The following RGS7 variants were observed in gnomAD, a reference collection of about 807,000 sequenced individuals.
RGS7 encodes the protein regulator of G protein signaling 7.
RGS7 carries 27 observed loss-of-function variants against 81.1 expected under a neutral mutation model. The observed-to-expected ratio is 0.33, with a 90% CI of 0.25 to 0.46. The LOEUF (loss-of-function observed/expected upper bound fraction) is 0.46, where lower values mean the gene tolerates loss of function less well. Ranked by LOEUF, RGS7 falls within the 20% of genes least tolerant of loss-of-function variation. The pLI is 1.00. For missense variants in RGS7, 396 were observed against 607.4 expected, an observed-to-expected ratio of 0.65 and a Z score of 3.66; for synonymous variants, 208 against 207.7, an observed-to-expected ratio of 1.00 and a Z score of -0.01.
intron 2 of RGS7, among the ~76,000 whole-genome samples, chr1:241,274,916 C>T (rs1162664276): frequency 6.6e-6 from 1 of 152,216 alleles, no homozygotes; most frequent in Non-Finnish European, 1.5e-5. Context: ...GACCAGAGTA[C>T]TGACGAGATA....
chr1:241,140,167 A>T (rs1002673490), intron 2 of RGS7, among the ~76,000 whole-genome samples: 6 of 152,192 alleles, frequency 3.9e-5, no homozygotes, highest in African/African-American at 1.4e-4. Flanking sequence ...AACATTGAAG[A>T]GCATTTTTCC....
At chr1:240,842,199 A>ATTTTTTTTGTTTTTTTTTT (rs1658156300) in intron 9 of RGS7, among the ~76,000 whole-genome samples, 1 of 78,676 alleles carries the variant, frequency 1.3e-5, no homozygotes, top group South Asian at 4.7e-4. Context: ...TTTGTCAGGA[A>ATTTTTTTTGTTTTTTTTTT]TTTTTTTTTT....
intron 6 of RGS7, among the ~76,000 whole-genome samples, chr1:240,871,255 G>A (rs1396832493): frequency 6.6e-6 from 1 of 152,194 alleles, no homozygotes; most frequent in Admixed American, 6.6e-5. Flanking sequence ...GATGAGGACT[G>A]TCAAATATTA....
chr1:241,306,142 A>ACT (rs2080104509), intron 2 of RGS7, among the ~76,000 whole-genome samples: 1 of 151,366 alleles, frequency 6.6e-6, no homozygotes, highest in South Asian at 2.1e-4. Context: ...ACACACACAC[A>ACT]CACACACTCA....
At chr1:241,246,620 C>T (rs1230436734) in intron 2 of RGS7, among the ~76,000 whole-genome samples, 1 of 152,050 alleles carries the variant, frequency 6.6e-6, no homozygotes, top group Non-Finnish European at 1.5e-5. Context: ...GTACTATCTA[C>T]CTGTGAGTAG....
Position 240,794,957 on chromosome 1 carries a change from C to A in RGS7, c.*6+5684G>T, listed in dbSNP as rs961193047. ...CAGCACTTTGGGAGGCCGAGGCAGG[C>A]GGATCACCTGAGGTCGGGAGTTCGA... On this transcript the variant is annotated intron_variant, in intron 18 of 18. Coordinates refer to ENST00000440928, the MANE Select transcript of RGS7 (RefSeq NM_001364886.1). Among the ~76,000 whole-genome samples the A allele has an allele frequency of 3.3e-5, 5 of 152,074 alleles. No individual in the cohort carries two copies. In the South Asian group the frequency reaches 6.2e-4, roughly 19 times the overall value.
intron 2 of RGS7, among the ~76,000 whole-genome samples, chr1:241,244,459 G>A (rs900508915): frequency 5.9e-5 from 9 of 152,148 alleles, no homozygotes; most frequent in Non-Finnish European, 2.9e-5. Flanking sequence ...GGAAACAACA[G>A]GTGCTGGAGA....
chr1:241,339,618 T>C (rs1246646506), intron 2 of RGS7, among the ~76,000 whole-genome samples: 1 of 152,206 alleles, frequency 6.6e-6, no homozygotes, highest in Non-Finnish European at 1.5e-5. Context: ...GGTGACCCTG[T>C]AATCATCAGG....
chr1:241,352,230 G>A (rs760059174), intron 2 of RGS7, among the ~76,000 whole-genome samples: 4 of 152,198 alleles, frequency 2.6e-5, no homozygotes, highest in Non-Finnish European at 5.9e-5. Context: ...TCTTCAAGAA[G>A]CTGATCTGAA....
intron 3 of RGS7, among the ~76,000 whole-genome samples, chr1:241,085,531 T>C (rs534257382): frequency 1.3e-5 from 2 of 152,168 alleles, no homozygotes; most frequent in South Asian, 2.1e-4. Flanking sequence ...GTCAAGCAAT[T>C]CTCCTGACTC....
intron 2 of RGS7, among the ~76,000 whole-genome samples, chr1:241,220,868 T>G: frequency 6.7e-6 from 1 of 150,090 alleles, no homozygotes; most frequent in South Asian, 2.1e-4. Flanking sequence ...ACCACTGCAC[T>G]CCAGCCTGGG....
intron 2 of RGS7, among the ~76,000 whole-genome samples, chr1:241,208,025 C>T (rs2074021953): frequency 6.6e-6 from 1 of 152,092 alleles, no homozygotes; most frequent in Non-Finnish European, 1.5e-5. Context: ...CCTTCCTCAG[C>T]CTCCTGAATA....
intron 5 of RGS7, among the ~76,000 whole-genome samples, chr1:240,932,965 G>A (rs1349084166): frequency 3.1e-5 from 4 of 128,688 alleles, no homozygotes; most frequent in Admixed American, 9.0e-5. Flanking sequence ...CTCACTGCAA[G>A]CTCCGCCTCC....
At chr1:241,337,721 C>T (rs2082326862) in intron 2 of RGS7, among the ~76,000 whole-genome samples, 1 of 152,190 alleles carries the variant, frequency 6.6e-6, no homozygotes, top group Non-Finnish European at 1.5e-5. Flanking sequence ...TGTCACTGCT[C>T]CTCCACCTGC....
intron 18 of RGS7, among the ~76,000 whole-genome samples, chr1:240,783,402 A>G (rs1684455870): frequency 6.6e-6 from 1 of 151,846 alleles, no homozygotes; most frequent in African/African-American, 2.4e-5. Flanking sequence ...TGGATGGATC[A>G]CTTGCAGTCA....
At chr1:241,218,866 T>C (rs2074729151) in intron 2 of RGS7, among the ~76,000 whole-genome samples, 1 of 152,036 alleles carries the variant, frequency 6.6e-6, no homozygotes, top group South Asian at 2.1e-4. Flanking sequence ...GCAAGACTGG[T>C]CTTGAACTCC....
chr1:241,060,177 AG>A (rs1320627625), intron 3 of RGS7, among the ~76,000 whole-genome samples: 1 of 152,220 alleles, frequency 6.6e-6, no homozygotes, highest in Non-Finnish European at 1.5e-5. Context: ...AGTTACTTAT[AG>A]GAAAAAAAAG....
intron 2 of RGS7, among the ~76,000 whole-genome samples, chr1:241,343,914 G>C (rs2082725071): frequency 6.6e-6 from 1 of 152,146 alleles, no homozygotes; most frequent in African/African-American, 2.4e-5. Context: ...AGACTTCTTT[G>C]TGTAAATATG....
chr1:241,126,585 C>T (rs1163805738), intron 2 of RGS7, among the ~76,000 whole-genome samples: 1 of 152,150 alleles, frequency 6.6e-6, no homozygotes, highest in Non-Finnish European at 1.5e-5. Flanking sequence ...CATTTTGTTG[C>T]CTCAGCTTCA....
Sources: gnomAD v4.1 joint callset for allele counts (sites outside exome capture counted in the v4.1 genomes callset) on GRCh38, gnomAD v4.1.1 for gene constraint, MANE v1.5 for transcripts, NCBI Gene and HGNC (gene_info 2026-07-23, HGNC 2026-07-21) for gene names.